Variants in ATXN2L observed in about 807,000 individuals in gnomAD.
ATXN2L encodes the protein ataxin 2 like, also known as ataxin-2-like protein.
Under a neutral mutation model 120.7 loss-of-function variants are expected in ATXN2L, and 24 were observed. The observed-to-expected ratio is 0.20, with a 90% confidence interval of 0.14 to 0.28. The LOEUF is 0.28. Among genes scored for constraint, ATXN2L ranks in the 10% least tolerant of loss-of-function variants. ATXN2L has a pLI of 1.00. For synonymous variants in ATXN2L, 653 were observed against 568.1 expected, an observed-to-expected ratio of 1.15 and a Z score of -2.13; for missense variants, 1,312 against 1,432.3, an observed-to-expected ratio of 0.92 and a Z score of 1.36.
rs762181024 is a variant in ATXN2L, at chr16:28,833,043, T to C, written c.1660-16T>C. 1 of 1,612,372 alleles carries C rather than the reference T, an allele frequency of 6.2e-7. No individual in the cohort carries two copies. The highest frequency in any genetic ancestry group is 1.7e-5 in the Admixed American group (1 of 59,870). ...GGTCTGGGTCAGACTGGACTGTGTG[T>C]GTTTCTCTCTTCCAGCTTCAGCCCA... On this transcript the variant is annotated splice_polypyrimidine_tract_variant and intron_variant, in intron 13 of 21. Transcript: ENST00000336783.
Position 28,823,373 on chromosome 16 carries a change from C to A in ATXN2L, c.114C>A (p.Leu38=). The A allele has an allele frequency of 1.5e-6, 2 of 1,344,850 alleles. No homozygotes were observed. Among genetic ancestry groups the A allele is most frequent in the African/African-American group, 1.5e-5 (1 of 66,200 alleles). 83.3% of individuals were successfully genotyped at this position (1,344,850 alleles called of 1,614,324 possible). The part of the protein sequence containing the change: ...PGGTSPPNGG[L]PGPLATSAAP... ...GCACCAGCCCTCCCAACGGCGGCCT[C>A]CCGGGGCCGCTGGCCACCTCTGCGG... Residue 38 remains leucine, a synonymous_variant, in exon 1 of 22, where the codon CTC becomes CTA. Transcript: ENST00000336783.
In ATXN2L at chr16:28,833,795, G is replaced by A. The variant is rs2055437216; in HGVS notation, c.2026-270G>A. On this transcript the variant is annotated intron_variant, in intron 15 of 21. Coordinates refer to ENST00000336783, the MANE Select transcript of ATXN2L (RefSeq NM_007245.4). ...GGCATTTGGCTGAGGGAGTATTGGA[G>A]TGGGGTAGTCATGAACAGAGGCCAG... 4.9e-6 allele frequency: 3 copies of A among 610,972 alleles called. No homozygotes were observed. In the Admixed American group the frequency reaches 8.9e-5, roughly 18 times the overall value. The allele number at this position is 610,972 out of a possible 1,614,324, so 37.8% of individuals were successfully genotyped here. A position where few individuals can be genotyped will look rare whatever the true frequency, so the allele number is the denominator to read the frequency against.
chr16:28,830,878 G>C, intron 9 of ATXN2L, 84 bp from the exon 10 acceptor site: 1 of 1,505,348 alleles, frequency 6.6e-7, no homozygotes, highest in Non-Finnish European at 8.9e-7. Context: ...GGGTGTGTTG[G>C]AATGACGCTG....
chr16:28,831,371 G>A (rs1343273955), intron 10 of ATXN2L, among the ~76,000 whole-genome samples: 2 of 151,958 alleles, frequency 1.3e-5, no homozygotes, highest in African/African-American at 2.4e-5. Flanking sequence ...ACTGTTGCCT[G>A]GGCCAGAGTA....
chr16:28,836,555 T>C lies in ATXN2L; in HGVS notation c.*290T>C. On this transcript the variant is annotated 3_prime_UTR_variant, in exon 22 of 22. Coordinates refer to ENST00000336783, the MANE Select transcript of ATXN2L (RefSeq NM_007245.4). ...CTGAGCTGGGCACATGAGTGAGGGC[T>C]CTGGCTTACTGGGAAACAGCGATTG... The C allele has an allele frequency of 6.4e-7, 1 of 1,573,216 alleles. No individual in the cohort carries two copies. The highest frequency in any genetic ancestry group is 8.6e-7 in the Non-Finnish European group (1 of 1,162,240).
chr16:28,823,601 G>A (rs993029576), intron 1 of ATXN2L, 43 bp downstream of exon 1: 34 of 1,293,708 alleles, frequency 2.6e-5, no homozygotes, highest in African/African-American at 3.1e-5. Context: ...CGGCCACCCA[G>A]AGGCTGTGGC....
rs1960931954 is a variant in ATXN2L at position 28,836,551 on chromosome 16, G to C, written c.*286G>C. On this transcript the variant is annotated 3_prime_UTR_variant, in exon 22 of 22. Coordinates refer to ENST00000336783, the MANE Select transcript of ATXN2L (RefSeq NM_007245.4). ...GGGGCTGAGCTGGGCACATGAGTGA[G>C]GGCTCTGGCTTACTGGGAAACAGCG... 6.3e-7 allele frequency: 1 copy of C among 1,576,572 alleles called. No homozygotes were observed. Among genetic ancestry groups the C allele is most frequent in the Non-Finnish European group, 8.6e-7 (1 of 1,163,784 alleles).
At position 28,835,135 on chromosome 16, in the gene ATXN2L, C is replaced by G; in HGVS notation, c.2511C>G (p.Ser837=). 6.2e-7 allele frequency: 1 copy of G among 1,613,962 alleles called. No homozygotes were observed. The highest frequency in any genetic ancestry group is 8.5e-7 in the Non-Finnish European group (1 of 1,179,904). ...GCCATCCCCAGGCCATCGTGTCATCCTCTACCCCTCAGTACCCTTCTGCAG... is the reference window on the plus strand; with the variant it reads ...GCCATCCCCAGGCCATCGTGTCATCGTCTACCCCTCAGTACCCTTCTGCAG... The part of the protein sequence containing the change: ...SGSHPQAIVS[S]STPQYPSAEQ... The change falls in exon 19 of 22, where the codon TCC becomes TCG. Residue 837 remains serine, a synonymous_variant. Transcript: ENST00000336783.
chr16:28,833,148 T>G lies in ATXN2L; in HGVS notation c.1749T>G (p.Val583=), dbSNP rs765616479. The G allele has an allele frequency of 6.2e-7, 1 of 1,614,052 alleles. No individual in the cohort carries two copies. Among genetic ancestry groups the G allele is most frequent in the African/African-American group, 1.3e-5 (1 of 74,916 alleles). ...KEEPKGKEKE[V]DGLLTSEPMG... Reference sequence around the variant, plus strand: ...AGCCCAAAGGAAAGGAGAAAGAGGTTGATGGTCTGTTGACTTCAGAGCCCA... The same window carrying G: ...AGCCCAAAGGAAAGGAGAAAGAGGTGGATGGTCTGTTGACTTCAGAGCCCA... Residue 583 remains valine (V), a synonymous_variant, in exon 14 of 22, where the codon GTT becomes GTG. Coordinates refer to ENST00000336783, the MANE Select transcript of ATXN2L (RefSeq NM_007245.4).
At chr16:28,825,885 G>C (rs2051751043) in intron 4 of ATXN2L, 44 bp downstream of exon 4, 2 of 1,535,666 alleles carry the variant, frequency 1.3e-6, no homozygotes, top group Non-Finnish European at 1.8e-6. Flanking sequence ...TGCAGAGTAG[G>C]AGGAGAATGA....
chr16:28,831,707 C>T (rs1304158212), intron 10 of ATXN2L, among the ~76,000 whole-genome samples: 6 of 152,010 alleles, frequency 3.9e-5, no homozygotes, highest in African/African-American at 1.2e-4. Context: ...GGCAACACGG[C>T]AAAACCCTTC....
rs1056859826 is a variant in ATXN2L, at chr16:28,826,674, C to G, written c.617-188C>G. 3 of 697,898 alleles carry G rather than the reference C, an allele frequency of 4.3e-6. No individual in the cohort carries two copies. In the African/African-American group the frequency reaches 5.4e-5, roughly 13 times the overall value. The allele number at this position is 697,898 out of a possible 1,614,324, so 43.2% of individuals were successfully genotyped here. Reference sequence around the variant, plus strand: ...TTCTTTTTTCTTTGGAATCATAGTACTGATAGACTTTTTATACTCTTCTTC... The same window carrying G: ...TTCTTTTTTCTTTGGAATCATAGTAGTGATAGACTTTTTATACTCTTCTTC... On this transcript the variant is annotated intron_variant, in intron 5 of 21. Coordinates refer to ENST00000336783, the MANE Select transcript of ATXN2L (RefSeq NM_007245.4).
chr16:28,830,038 G>T lies in ATXN2L; in HGVS notation c.1014G>T (p.Glu338Asp). The T allele has an allele frequency of 6.2e-7, 1 of 1,611,324 alleles. No individual in the cohort carries two copies. The highest frequency in any genetic ancestry group is 1.1e-5 in the South Asian group (1 of 91,044). Residue 338 changes from glutamate (E) to aspartate (D), a missense_variant, in exon 8 of 22, where the codon GAG (glutamate) becomes GAT (aspartate). Coordinates refer to ENST00000336783, the MANE Select transcript of ATXN2L (RefSeq NM_007245.4). ...TCCAGCGGCAGGGCTCAGGGCGGGA[G>T]AGCCCCAGCTTGGCATCCAGGTGAC... ...SAVQRQGSGR[E>D]SPSLASREGK...
At position 28,832,240 on chromosome 16, in the gene ATXN2L, G is replaced by A. The variant is rs766106793; in HGVS notation, c.1357G>A (p.Ala453Thr). Reference sequence around the variant, plus strand: ...GTATCCCCCGCGTTCTCCCAAGTCTGCTGCCCCTGCCCCAATCTCAGCTTC... The same window carrying A: ...GTATCCCCCGCGTTCTCCCAAGTCTACTGCCCCTGCCCCAATCTCAGCTTC... ...RMYPPRSPKS[A>T]APAPISASCP... The change falls in exon 11 of 22, where the codon GCT becomes ACT. Residue 453 changes from alanine (A) to threonine (T), a missense_variant. Ala to Thr is a moderately conservative substitution (Grantham distance 58, BLOSUM62 0). Coordinates refer to ENST00000336783, the MANE Select transcript of ATXN2L (RefSeq NM_007245.4). 1.2e-6 allele frequency: 2 copies of A among 1,614,108 alleles called. No homozygotes were observed.
In ATXN2L at chr16:28,823,508, G is replaced by A; in HGVS notation, c.249G>A (p.Pro83=). Residue 83 remains proline (P), a synonymous_variant, in exon 1 of 22, where the codon CCG becomes CCA. Coordinates refer to ENST00000336783, the MANE Select transcript of ATXN2L (RefSeq NM_007245.4). ...GCATCTTGGCGCCGCAGCCGCCGCC[G>A]CCGCAGCAACACCAGGAGAGGCCGG... ...AEGILAPQPP[P]PQQHQERPGA... 7.2e-7 allele frequency: 1 copy of A among 1,388,096 alleles called. No individual in the cohort carries two copies. Among genetic ancestry groups the A allele is most frequent in the South Asian group, 1.6e-5 (1 of 63,604 alleles). The allele number at this position is 1,388,096 out of a possible 1,614,324, so 86.0% of individuals were successfully genotyped here.
intron 1 of ATXN2L, chr16:28,824,336 CA>C: frequency 8.3e-7 from 1 of 1,205,432 alleles, no homozygotes; most frequent in South Asian, 1.5e-5. Flanking sequence ...CACGCAGGCG[CA>C]GTGGGCTCTG....
At chr16:28,824,947 G>A (rs753301209) in intron 1 of ATXN2L, among the ~76,000 whole-genome samples, 1 of 151,930 alleles carries the variant, frequency 6.6e-6, no homozygotes, top group Non-Finnish European at 1.5e-5. Context: ...AGTGGCTCAC[G>A]CCTGTAATGC....
In ATXN2L at chr16:28,830,985, G is replaced by A; in HGVS notation, c.1234G>A (p.Ala412Thr). 6.3e-7 allele frequency: 1 copy of A among 1,592,992 alleles called. No homozygotes were observed. The highest frequency in any genetic ancestry group is 1.1e-5 in the South Asian group (1 of 87,124). Residue 412 changes from alanine (A) to threonine (T), a missense_variant, in exon 10 of 22, where the codon GCA becomes ACA. By Grantham distance (58) the Ala-to-Thr change is moderately conservative. Transcript: ENST00000336783. ...NGGPSRMSPK[A>T]QRPLRGAKTL... Reference sequence around the variant, plus strand: ...AGGCCCTTCCCGCATGTCCCCAAAGGCACAACGGCCTCTGAGAGGTGCCAA... The same window carrying A: ...AGGCCCTTCCCGCATGTCCCCAAAGACACAACGGCCTCTGAGAGGTGCCAA...
chr16:28,836,308 C>T lies in ATXN2L; in HGVS notation c.*43C>T, dbSNP rs748125410. 1.2e-6 allele frequency: 2 copies of T among 1,611,382 alleles called. No individual in the cohort carries two copies. The highest frequency in any genetic ancestry group is 1.7e-5 in the Admixed American group (1 of 59,804). On this transcript the variant is annotated 3_prime_UTR_variant, in exon 22 of 22. Transcript: ENST00000336783. ...GCTGTCCCACAGGGCGCCCGCCGACCTGCACCTGTCTGTGAAGTATGTAGG... is the reference window on the plus strand; with the variant it reads ...GCTGTCCCACAGGGCGCCCGCCGACTTGCACCTGTCTGTGAAGTATGTAGG...
Sources: allele counts gnomAD v4.1 joint callset (sites outside exome capture counted in the v4.1 genomes callset), GRCh38; gene constraint gnomAD v4.1.1; transcripts MANE v1.5; gene names NCBI Gene and HGNC (gene_info 2026-07-23, HGNC 2026-07-21).